Variants in MAPK10 observed in about 807,000 individuals in gnomAD.
MAPK10 encodes JNK3 alpha protein kinase.
In MAPK10, 25 loss-of-function variants were observed where a neutral mutation model predicts 59.3. The observed-to-expected ratio is 0.42, with a 90% CI of 0.31 to 0.59. The LOEUF is 0.59. Ranked by LOEUF, MAPK10 falls within the 20% of genes least tolerant of loss-of-function variation. The probability of loss-of-function intolerance (pLI) is 0.15; values close to 1 mark genes in which losing one functional copy is unlikely to be tolerated. For synonymous variants in MAPK10, 190 were observed against 200.5 expected, an observed-to-expected ratio of 0.95 and a Z score of 0.44; for missense variants, 351 against 568.9, an observed-to-expected ratio of 0.62 and a Z score of 3.90.
chr4:86,400,438 CCTCTCTCTCTCTTT>C (rs1411759026), intron 1 of MAPK10, among the ~76,000 whole-genome samples: 1 of 151,230 alleles, frequency 6.6e-6, no homozygotes, highest in Admixed American at 6.6e-5. Context: ...TCTCTCTCTC[CCTCTCTCTCTCTTT>C]CTCTCTCTCT....
intron 1 of MAPK10, among the ~76,000 whole-genome samples, chr4:86,506,615 C>G (rs1755758821): frequency 6.6e-6 from 1 of 152,054 alleles, no homozygotes; most frequent in Admixed American, 6.6e-5. Flanking sequence ...CCACAGGAAT[C>G]ACTGATAGGA....
At chr4:86,230,380 C>T (rs761311040) in intron 2 of MAPK10, among the ~76,000 whole-genome samples, 21 of 152,154 alleles carry the variant, frequency 1.4e-4, no homozygotes, top group Admixed American at 1.2e-3. Flanking sequence ...GTTTGGCATA[C>T]GCCTTGCTCA....
At chr4:86,221,126 G>C (rs187049131) in intron 2 of MAPK10, among the ~76,000 whole-genome samples, 1 of 152,286 alleles carries the variant, frequency 6.6e-6, no homozygotes, top group East Asian at 1.9e-4. Flanking sequence ...CAGCCAAGGA[G>C]AGGTTTAGAA....
chr4:86,447,316 T>C (rs949971297), intron 1 of MAPK10, among the ~76,000 whole-genome samples: 7 of 152,170 alleles, frequency 4.6e-5, no homozygotes, highest in African/African-American at 1.7e-4. Flanking sequence ...TGCTTCCCCT[T>C]CACCTTCCAC....
At chr4:86,245,749 G>T (rs1188203553) in intron 2 of MAPK10, among the ~76,000 whole-genome samples, 1 of 152,128 alleles carries the variant, frequency 6.6e-6, no homozygotes, top group Non-Finnish European at 1.5e-5. Flanking sequence ...TTTGATTGAA[G>T]TTTAAAATGC....
At chr4:86,182,908 TTC>T (rs2077228348) in intron 3 of MAPK10, among the ~76,000 whole-genome samples, 1 of 152,134 alleles carries the variant, frequency 6.6e-6, no homozygotes, top group African/African-American at 2.4e-5. Flanking sequence ...CATGCTTCAC[TTC>T]TTTTTATTCC....
intron 4 of MAPK10, among the ~76,000 whole-genome samples, chr4:86,139,770 C>T (rs2063184213): frequency 6.6e-6 from 1 of 151,738 alleles, no homozygotes; most frequent in South Asian, 2.1e-4. Context: ...AGAAAATTTT[C>T]TCAACCTACT....
At chr4:86,582,628 A>C in intron 1 of MAPK10, among the ~76,000 whole-genome samples, 1 of 152,218 alleles carries the variant, frequency 6.6e-6, no homozygotes, top group East Asian at 1.9e-4. Context: ...ATCTAAAAAA[A>C]CCACTTACAC....
chr4:86,337,110 T>A (rs1721961228), intron 2 of MAPK10, among the ~76,000 whole-genome samples: 1 of 152,136 alleles, frequency 6.6e-6, no homozygotes, highest in South Asian at 2.1e-4. Flanking sequence ...TTTAATCATA[T>A]TCACTACTGT....
chr4:86,155,391 T>A (rs1465978223), intron 4 of MAPK10, among the ~76,000 whole-genome samples: 1 of 151,772 alleles, frequency 6.6e-6, no homozygotes, highest in Non-Finnish European at 1.5e-5. Flanking sequence ...AAATGACATA[T>A]ATGATACCTA....
At chr4:86,069,079 T>C (rs2047270363) in intron 9 of MAPK10, among the ~76,000 whole-genome samples, 1 of 152,164 alleles carries the variant, frequency 6.6e-6, no homozygotes. Flanking sequence ...TACCATAATA[T>C]TACTTAGTTG....
At chr4:86,561,588 A>G (rs1318881447) in intron 1 of MAPK10, among the ~76,000 whole-genome samples, 4 of 152,208 alleles carry the variant, frequency 2.6e-5, no homozygotes, top group African/African-American at 9.7e-5. Flanking sequence ...TTCTTATGAA[A>G]AATTAGCTGT....
intron 2 of MAPK10, among the ~76,000 whole-genome samples, chr4:86,312,419 T>G (rs1371299200): frequency 6.6e-6 from 1 of 152,082 alleles, no homozygotes; most frequent in East Asian, 1.9e-4. Flanking sequence ...TGCTCCTTAC[T>G]CACCGTATAT....
At chr4:86,386,823 C>A (rs748845895) in intron 1 of MAPK10, among the ~76,000 whole-genome samples, 15 of 152,250 alleles carry the variant, frequency 9.9e-5, no homozygotes, top group Non-Finnish European at 4.4e-5. Flanking sequence ...TCTTGGCCAT[C>A]CAGTGCCCAC....
At chr4:86,204,316 T>A (rs899190028) in intron 2 of MAPK10, among the ~76,000 whole-genome samples, 7 of 151,966 alleles carry the variant, frequency 4.6e-5, no homozygotes, top group Non-Finnish European at 8.8e-5. Context: ...ATAAATAATA[T>A]CTCCATAGTT....
chr4:86,076,633 C>G (rs1370588735), intron 9 of MAPK10, among the ~76,000 whole-genome samples: 1 of 152,136 alleles, frequency 6.6e-6, no homozygotes, highest in East Asian at 1.9e-4. Flanking sequence ...AAGCCCCTTC[C>G]TTAGTCTATC....
intron 1 of MAPK10, among the ~76,000 whole-genome samples, chr4:86,520,022 ATGCTTT>A (rs1267385826): frequency 1.3e-5 from 2 of 152,182 alleles, no homozygotes; most frequent in Non-Finnish European, 2.9e-5. Flanking sequence ...AAGTTACCTG[ATGCTTT>A]TGCCTCACAG....
rs564869390 is a variant in MAPK10, at chr4:86,565,123, A to G, written c.-263+28787T>C. Among the ~76,000 whole-genome samples, 8 of 152,322 alleles carry G rather than the reference A, an allele frequency of 5.3e-5. No homozygotes were observed. In the South Asian group the frequency reaches 1.7e-3, roughly 32 times the overall value. On this transcript the variant is annotated intron_variant, in intron 1 of 4. Transcript: ENST00000502302. ...ATGTGAGGTGCTGGGGAGAGGGAAG[A>G]TGAGTCCGCCTCCTACTGTACACTA... is the stretch of plus-strand genomic sequence containing the variant.
chr4:86,360,545 CCT>C (rs1736741464), upstream of MAPK10, among the ~76,000 whole-genome samples: 1 of 152,168 alleles, frequency 6.6e-6, no homozygotes, highest in East Asian at 1.9e-4. Flanking sequence ...TTCTCTGTTT[CCT>C]TGTTTTTGTA....
Sources: gnomAD v4.1 joint callset for allele counts (sites outside exome capture counted in the v4.1 genomes callset) on GRCh38, gnomAD v4.1.1 for gene constraint, MANE v1.5 for transcripts, NCBI Gene and HGNC (gene_info 2026-07-23, HGNC 2026-07-21) for gene names.